Variants in POC1B observed in about 807,000 individuals in gnomAD.
POC1B encodes POC1 centriolar protein homolog B.
In POC1B, 44 loss-of-function variants were observed where a neutral mutation model predicts 60.6. The observed-to-expected ratio is 0.73, with a 90% confidence interval of 0.57 to 0.93. The LOEUF (loss-of-function observed/expected upper bound fraction) is 0.93, where lower values mean the gene tolerates loss of function less well. POC1B is among the 40% of genes least tolerant of loss of function. The probability of loss-of-function intolerance (pLI) is 0.00; values close to 1 mark genes in which losing one functional copy is unlikely to be tolerated. For missense variants in POC1B, 555 were observed against 572.3 expected (o/e 0.97, Z 0.31); for synonymous variants, 180 against 198.9 (o/e 0.90, Z 0.80).
intron 10 of POC1B, among the ~76,000 whole-genome samples, chr12:89,437,523 G>GT (rs1489110338): frequency 6.6e-6 from 1 of 152,086 alleles, no homozygotes; most frequent in Non-Finnish European, 1.5e-5. Flanking sequence ...ATCAGCTCAA[G>GT]TATCACTCAC....
chr12:89,492,441 T>C (rs974856527), intron 3 of POC1B, among the ~76,000 whole-genome samples: 1 of 152,224 alleles, frequency 6.6e-6, no homozygotes, highest in African/African-American at 2.4e-5. Context: ...CAAGGTGATA[T>C]GTGATAAACG....
chr12:89,423,493 TTTATTA>T lies in POC1B; in HGVS notation c.1332+1662_1332+1667del, dbSNP rs1222426477. ...CCAAATGCTAGAAGTTATTTATACA[TTTATTA>T]TTAACACCTTTAACACTGGTTAACT... is the stretch of plus-strand genomic sequence containing the variant. On this transcript the variant is annotated intron_variant, in intron 11 of 11. Coordinates refer to ENST00000313546, the MANE Select transcript of POC1B (RefSeq NM_172240.3). Among the ~76,000 whole-genome samples, 5 of 152,304 alleles carry T rather than the reference TTTATTA, an allele frequency of 3.3e-5. No individual in the cohort carries two copies. In the South Asian group the frequency reaches 1.0e-3, roughly 32 times the overall value.
intron 10 of POC1B, among the ~76,000 whole-genome samples, chr12:89,448,841 A>G (rs972222082): frequency 6.6e-6 from 1 of 152,176 alleles, no homozygotes; most frequent in Admixed American, 6.5e-5. Context: ...TGTGCCAAGG[A>G]TTTATGTACT....
At chr12:89,459,360 T>G (rs894200199) in intron 10 of POC1B, among the ~76,000 whole-genome samples, 3 of 145,390 alleles carry the variant, frequency 2.1e-5, no homozygotes, top group South Asian at 4.3e-4. Context: ...TGTATACATA[T>G]GTAACTAACC....
chr12:89,441,844 G>A (rs983012718), intron 10 of POC1B, among the ~76,000 whole-genome samples: 18 of 152,130 alleles, frequency 1.2e-4, no homozygotes, highest in African/African-American at 3.4e-4. Flanking sequence ...AAAGATGTTC[G>A]AACCCATCGC....
At chr12:89,469,257 C>T (rs1362704435) in intron 7 of POC1B, among the ~76,000 whole-genome samples, 1 of 152,094 alleles carries the variant, frequency 6.6e-6, no homozygotes, top group Admixed American at 6.6e-5. Context: ...AAGAATCCAT[C>T]TCAAAAATAA....
At chr12:89,478,094 CATTCATTCAT>C in intron 4 of POC1B, among the ~76,000 whole-genome samples, 1 of 146,884 alleles carries the variant, frequency 6.8e-6, no homozygotes, top group African/African-American at 2.7e-5. Context: ...TTCATTCATT[CATTCATTCAT>C]TCATTCATTC....
chr12:89,466,836 T>C lies in POC1B; in HGVS notation c.966A>G (p.Pro322=). 6.2e-7 allele frequency: 1 copy of C among 1,613,230 alleles called. No homozygotes were observed. Among genetic ancestry groups the C allele is most frequent in the African/African-American group, 1.3e-5 (1 of 75,024 alleles). ...RNLKRLHFDS[P]PHLLDIYPRT... Reference sequence around the variant, plus strand: ...TTGGGTAGATATCAAGAAGATGTGGTGGTGAATCAAAATGTAATCTTTTGA... The same window carrying C: ...TTGGGTAGATATCAAGAAGATGTGGCGGTGAATCAAAATGTAATCTTTTGA... Residue 322 remains proline (P), a synonymous_variant, in exon 9 of 12, where the codon CCA becomes CCG. Coordinates refer to ENST00000313546, the MANE Select transcript of POC1B (RefSeq NM_172240.3).
intron 4 of POC1B, among the ~76,000 whole-genome samples, chr12:89,474,154 C>T (rs1038594026): frequency 6.6e-6 from 1 of 151,298 alleles, no homozygotes; most frequent in African/African-American, 2.4e-5. Flanking sequence ...TGCAGTGAGC[C>T]GAGATTGCAC....
At chr12:89,424,898 A>G (rs144378508) in intron 11 of POC1B, among the ~76,000 whole-genome samples, 4 of 152,274 alleles carry the variant, frequency 2.6e-5, no homozygotes, top group South Asian at 2.1e-4. Flanking sequence ...GTTACTCCCA[A>G]TACATTTTTC....
chr12:89,484,756 T>G (rs1868544311), intron 4 of POC1B, among the ~76,000 whole-genome samples: 1 of 152,196 alleles, frequency 6.6e-6, no homozygotes, highest in Non-Finnish European at 1.5e-5. Context: ...TGAAAGATAC[T>G]ACGTCAACAG....
chr12:89,509,938 C>T (rs935284254), intron 2 of POC1B, among the ~76,000 whole-genome samples: 6 of 152,172 alleles, frequency 3.9e-5, no homozygotes, highest in African/African-American at 7.2e-5. Context: ...CTCTGCCTCC[C>T]GGGTTCAAGT....
chr12:89,515,281 C>A (rs1296721814), intron 2 of POC1B, among the ~76,000 whole-genome samples: 1 of 151,936 alleles, frequency 6.6e-6, no homozygotes, highest in Non-Finnish European at 1.5e-5. Flanking sequence ...ACAAATATAT[C>A]ATTGTATTTA....
chr12:89,470,302 TAA>T, intron 7 of POC1B, 57 bp downstream of exon 7: 1 of 966,424 alleles, frequency 1.0e-6, no homozygotes, highest in Non-Finnish European at 1.3e-6. Context: ...ATCAGAAATT[TAA>T]AATATATATT....
chr12:89,515,708 C>T (rs1036896119), intron 2 of POC1B, among the ~76,000 whole-genome samples: 4 of 152,156 alleles, frequency 2.6e-5, no homozygotes, highest in African/African-American at 9.7e-5. Flanking sequence ...CTTCTCAAAT[C>T]TCTGATTGCA....
intron 2 of POC1B, among the ~76,000 whole-genome samples, chr12:89,518,977 T>C (rs1870625411): frequency 6.6e-6 from 1 of 152,134 alleles, no homozygotes; most frequent in South Asian, 2.1e-4. Flanking sequence ...GACAGGGGTA[T>C]AGGGATTTAG....
chr12:89,448,017 C>T (rs1266570435), intron 10 of POC1B, among the ~76,000 whole-genome samples: 2 of 152,120 alleles, frequency 1.3e-5, no homozygotes, highest in East Asian at 3.9e-4. Context: ...AACTGGAAGA[C>T]ATAGCCTGGA....
intron 2 of POC1B, chr12:89,523,398 T>G (rs1871100132): frequency 6.2e-7 from 1 of 1,613,956 alleles, no homozygotes. Flanking sequence ...CCATCCAAAC[T>G]TCTGCTGCCC....
At chr12:89,455,376 G>T (rs1882214064) in intron 10 of POC1B, among the ~76,000 whole-genome samples, 1 of 152,038 alleles carries the variant, frequency 6.6e-6, no homozygotes, top group Non-Finnish European at 1.5e-5. Flanking sequence ...CTGGTCAAAG[G>T]TTTTCTTCTA....
Sources: allele counts gnomAD v4.1 joint callset (sites outside exome capture counted in the v4.1 genomes callset), GRCh38; gene constraint gnomAD v4.1.1; transcripts MANE v1.5; gene names NCBI Gene and HGNC (gene_info 2026-07-23, HGNC 2026-07-21).